STS: variants seen among roughly 807,000 people sequenced by gnomAD.
STS encodes steroid sulfatase.
Under a neutral mutation model 26.8 loss-of-function variants are expected in STS, and 7 were observed. The ratio of observed to expected loss-of-function variants is 0.26; its 90% CI spans 0.15 to 0.49. The LOEUF is 0.49. STS is among the 20% of genes least tolerant of loss of function. STS has a pLI of 0.98. For missense variants in STS, 434 were observed against 465.6 expected (o/e 0.93, Z 0.63); for synonymous variants, 199 against 189.4 (o/e 1.05, Z -0.42).
intron 10 of STS, among the ~76,000 whole-genome samples, chrX:7,345,269 A>T (rs1449303953): frequency 2.7e-5 from 3 of 111,864 alleles, no homozygotes; most frequent in Non-Finnish European, 5.6e-5. Flanking sequence ...TATTGCCCAG[A>T]CCAACTCAAA....
chrX:7,278,452 G>A (rs760821866), intron 7 of STS, among the ~76,000 whole-genome samples: 3 of 112,321 alleles, frequency 2.7e-5, no homozygotes, highest in Non-Finnish European at 5.6e-5. Context: ...TTTGAGGGCT[G>A]TATAATTCTG....
chrX:7,211,998 T>TA (rs1237392030), intron 2 of STS, among the ~76,000 whole-genome samples: 1 of 112,160 alleles, frequency 8.9e-6, no homozygotes, highest in Non-Finnish European at 1.9e-5. Context: ...CGGGAGCAGA[T>TA]ACGTGTCAAT....
chrX:7,340,146 A>C (rs16984459), intron 10 of STS, among the ~76,000 whole-genome samples: 4,167 of 109,133 alleles, frequency 0.038, 185 homozygotes, highest in African/African-American at 0.13. Context: ...GCTTATTCTG[A>C]TCTTTTTGCC....
At chrX:7,215,995 A>G (rs1921294994) in intron 2 of STS, among the ~76,000 whole-genome samples, 1 of 111,900 alleles carries the variant, frequency 8.9e-6, no homozygotes, top group African/African-American at 3.3e-5. Context: ...CAGCCTATTC[A>G]CAGACCACAG....
chrX:7,272,438 A>G (rs1297231537), intron 6 of STS, among the ~76,000 whole-genome samples: 1 of 111,141 alleles, frequency 9.0e-6, no homozygotes, highest in Admixed American at 9.6e-5. Context: ...AGCAACTGTT[A>G]CATAAGCCAC....
intron 1 of STS, among the ~76,000 whole-genome samples, chrX:7,184,377 T>C (rs1324240093): frequency 1.8e-5 from 2 of 112,462 alleles, no homozygotes; most frequent in African/African-American, 6.5e-5. Context: ...CATGACTGAG[T>C]TTCCACCATG....
intron 8 of STS, among the ~76,000 whole-genome samples, chrX:7,324,558 G>C (rs753779856): frequency 1.8e-5 from 2 of 111,403 alleles, no homozygotes; most frequent in South Asian, 7.7e-4. Flanking sequence ...ATTTCTATCA[G>C]GGCCTGCTAT....
At chrX:7,204,324 G>A (rs1440775932) in intron 2 of STS, among the ~76,000 whole-genome samples, 1 of 111,599 alleles carries the variant, frequency 9.0e-6, no homozygotes, top group Non-Finnish European at 1.9e-5. Flanking sequence ...TTTTCCTTGT[G>A]TTTAAACTTT....
At chrX:7,302,941 G>T (rs374946493) in intron 7 of STS, among the ~76,000 whole-genome samples, 5 of 111,737 alleles carry the variant, frequency 4.5e-5, no homozygotes, top group African/African-American at 1.3e-4. Context: ...TGATTCCCAT[G>T]TCTAGACCAG....
chrX:7,221,729 G>A (rs919073560), intron 2 of STS, among the ~76,000 whole-genome samples: 1 of 112,112 alleles, frequency 8.9e-6, no homozygotes, highest in East Asian at 2.8e-4. Context: ...TATCTTCTTT[G>A]TTTATTTAAA....
chrX:7,164,300 T>A (rs1933305972), intron 1 of STS, among the ~76,000 whole-genome samples: 1 of 112,266 alleles, frequency 8.9e-6, no homozygotes, highest in South Asian at 3.7e-4. Flanking sequence ...GAGAATGTAA[T>A]TGCAAGTGGA....
intron 8 of STS, among the ~76,000 whole-genome samples, chrX:7,310,347 A>G: frequency 8.9e-6 from 1 of 111,898 alleles, no homozygotes; most frequent in Non-Finnish European, 1.9e-5. Flanking sequence ...TTTCTATGCA[A>G]TCCTTAACTC....
At chrX:7,224,094 G>T (rs1921697083) in intron 2 of STS, among the ~76,000 whole-genome samples, 1 of 111,608 alleles carries the variant, frequency 9.0e-6, no homozygotes, top group Admixed American at 9.6e-5. Flanking sequence ...ATGGGACATG[G>T]AAGCTTGGAG....
At chrX:7,238,364 T>C (rs1922430891) in intron 2 of STS, among the ~76,000 whole-genome samples, 1 of 110,944 alleles carries the variant, frequency 9.0e-6, no homozygotes, top group Non-Finnish European at 1.9e-5. Flanking sequence ...GGAGCCTTTT[T>C]ATTGTACAGC....
At chrX:7,282,546 G>T (rs1485853278) in intron 7 of STS, among the ~76,000 whole-genome samples, 1 of 111,907 alleles carries the variant, frequency 8.9e-6, no homozygotes, top group Non-Finnish European at 1.9e-5. Context: ...CTCTCATTTC[G>T]TATTTCCTAG....
chrX:7,170,112 G>A (rs1003644812), intron 1 of STS, among the ~76,000 whole-genome samples: 13 of 111,661 alleles, frequency 1.2e-4, no homozygotes, highest in African/African-American at 4.2e-4. Flanking sequence ...AGATTATAGG[G>A]TCTTGTTGTA....
chrX:7,277,061 TTAGTG>T (rs1178415344), intron 7 of STS, among the ~76,000 whole-genome samples: 1 of 111,304 alleles, frequency 9.0e-6, no homozygotes, highest in Non-Finnish European at 1.9e-5. Context: ...AGGGAAGGCC[TTAGTG>T]TGTGAGTTAC....
chrX:7,244,158 T>A (rs1244120288), intron 2 of STS, among the ~76,000 whole-genome samples: 1 of 111,860 alleles, frequency 8.9e-6, no homozygotes, highest in Non-Finnish European at 1.9e-5. Flanking sequence ...AGGAGCATGA[T>A]GCTGTTGTGC....
intron 2 of STS, among the ~76,000 whole-genome samples, chrX:7,235,781 T>A (rs773262409): frequency 3.3e-4 from 37 of 111,562 alleles, no homozygotes; most frequent in African/African-American, 1.2e-3. Context: ...AAAATTAGTC[T>A]TCTGAAAAAC....
Sources: allele counts gnomAD v4.1 joint callset (sites outside exome capture counted in the v4.1 genomes callset), GRCh38; gene constraint gnomAD v4.1.1; transcripts MANE v1.5; gene names NCBI Gene and HGNC (gene_info 2026-07-23, HGNC 2026-07-21).